UGT3A1: variants seen among roughly 807,000 people sequenced by gnomAD.
The protein encoded by UGT3A1 is UDP glycosyltransferase family 3 member A1.
Under a neutral mutation model 37.6 loss-of-function variants are expected in UGT3A1, and 40 were observed. The ratio of observed to expected loss-of-function variants is 1.06; its 90% confidence interval spans 0.83 to 1.38. The LOEUF is 1.38. UGT3A1 is among the 40% of genes most tolerant of loss of function. The probability of loss-of-function intolerance (pLI) is 0.00; values close to 1 mark genes in which losing one functional copy is unlikely to be tolerated. For missense variants in UGT3A1, 642 were observed against 634.2 expected (o/e 1.01, Z -0.13); for synonymous variants, 256 against 232.3 (o/e 1.10, Z -0.93).
intron 4 of UGT3A1, chr5:35,961,857 C>G (rs1580922900): frequency 6.6e-6 from 1 of 152,286 alleles, no homozygotes; most frequent in Non-Finnish European, 1.5e-5. Flanking sequence ...CGGGGGTATG[C>G]TTTACCAAGG....
At position 35,952,878 on chromosome 5, in the gene UGT3A1, G is replaced by A. The variant is rs187201320; in HGVS notation, c.*1324C>T. On this transcript the variant is annotated 3_prime_UTR_variant, in exon 7 of 7. Coordinates refer to ENST00000274278, the MANE Select transcript of UGT3A1 (RefSeq NM_152404.4). ...ATCCAGCACTCAGCTCTGCAGACTC[G>A]CAAGCAAATCCTTTCATGGAATTGG... 3 of 152,170 alleles carry A rather than the reference G, an allele frequency of 2.0e-5. No homozygotes were observed. The highest frequency in any genetic ancestry group is 1.9e-4 in the East Asian group (1 of 5,192). The allele number at this position is 152,170 out of a possible 1,614,324, so 9.4% of individuals were successfully genotyped here.
At chr5:35,989,213 G>T (rs1411530466) in intron 1 of UGT3A1, among the ~76,000 whole-genome samples, 1 of 152,172 alleles carries the variant, frequency 6.6e-6, no homozygotes, top group Non-Finnish European at 1.5e-5. Flanking sequence ...GAGCCCTTGG[G>T]GTGGGCCTAT....
chr5:35,970,122 G>A (rs1739976573), intron 2 of UGT3A1, among the ~76,000 whole-genome samples: 1 of 152,128 alleles, frequency 6.6e-6, no homozygotes, highest in Admixed American at 6.6e-5. Flanking sequence ...CGGGCACTGT[G>A]GCTCACTCCT....
At chr5:35,985,837 C>G (rs1740707954) in intron 2 of UGT3A1, among the ~76,000 whole-genome samples, 1 of 152,056 alleles carries the variant, frequency 6.6e-6, no homozygotes, top group Non-Finnish European at 1.5e-5. Context: ...TACAGGCAAT[C>G]AAAGCAAAAA....
upstream of UGT3A1, chr5:35,991,480 A>G: frequency 7.4e-7 from 1 of 1,342,288 alleles, no homozygotes; most frequent in Non-Finnish European, 9.6e-7. Flanking sequence ...TGAAGTCAGT[A>G]GGAGGGGGTT....
At chr5:35,966,803 C>T (rs1739825978) in intron 3 of UGT3A1, among the ~76,000 whole-genome samples, 1 of 152,084 alleles carries the variant, frequency 6.6e-6, no homozygotes, top group Admixed American at 6.5e-5. Context: ...ACCCAGACAC[C>T]ATCATATCAT....
At chr5:35,993,206 C>T (rs1741003163), upstream of UGT3A1, among the ~76,000 whole-genome samples, 2 of 152,086 alleles carry the variant, frequency 1.3e-5, no homozygotes, top group Non-Finnish European at 2.9e-5. Context: ...TGGCTCACGC[C>T]TGTAATCCCA....
At chr5:35,954,820 T>C (rs1195525552) in intron 6 of UGT3A1, 1 of 223,816 alleles carries the variant, frequency 4.5e-6, no homozygotes, top group Non-Finnish European at 8.8e-6. Context: ...AATATGTACC[T>C]GATTCAGGGT....
chr5:35,995,822 A>G (rs1741081579), upstream of UGT3A1, among the ~76,000 whole-genome samples: 1 of 152,222 alleles, frequency 6.6e-6, no homozygotes, highest in African/African-American at 2.4e-5. Context: ...TATTTAACAT[A>G]TTTTGATAAA....
chr5:35,983,344 T>C (rs1740604634), intron 2 of UGT3A1, among the ~76,000 whole-genome samples: 1 of 152,088 alleles, frequency 6.6e-6, no homozygotes, highest in Non-Finnish European at 1.5e-5. Context: ...CTACCATGAC[T>C]GAGCAATCAA....
At chr5:35,981,474 C>A (rs1740520814) in intron 2 of UGT3A1, among the ~76,000 whole-genome samples, 2 of 152,156 alleles carry the variant, frequency 1.3e-5, no homozygotes, top group Admixed American at 1.3e-4. Flanking sequence ...TATGCTTTAG[C>A]AGAGAAACTG....
chr5:35,978,412 C>T (rs910029456), intron 2 of UGT3A1, among the ~76,000 whole-genome samples: 1 of 152,136 alleles, frequency 6.6e-6, no homozygotes, highest in Non-Finnish European at 1.5e-5. Context: ...ATCTAATGGA[C>T]TCACAGTTCC....
At chr5:35,973,096 C>T (rs1740116850) in intron 2 of UGT3A1, among the ~76,000 whole-genome samples, 1 of 152,112 alleles carries the variant, frequency 6.6e-6, no homozygotes, top group African/African-American at 2.4e-5. Flanking sequence ...CTATTGAACC[C>T]CTAACTTCTG....
chr5:35,957,522 G>A (rs921331784), intron 4 of UGT3A1, 103 bp from the exon 5 acceptor site: 4 of 913,098 alleles, frequency 4.4e-6, no homozygotes, highest in Non-Finnish European at 6.8e-6. Context: ...TCCCATCAGT[G>A]CCTTGTCTTC....
intron 1 of UGT3A1, among the ~76,000 whole-genome samples, chr5:35,998,138 G>T (rs570357371): frequency 1.3e-5 from 2 of 152,260 alleles, no homozygotes; most frequent in East Asian, 3.9e-4. Context: ...ACAATCAGCT[G>T]TACAACAAAT....
intron 2 of UGT3A1, among the ~76,000 whole-genome samples, chr5:35,983,150 A>G (rs144456112): frequency 1.2e-3 from 189 of 151,262 alleles, no homozygotes; most frequent in African/African-American, 4.5e-3. Context: ...ACAGATTAAT[A>G]CACCAGACTA....
At chr5:35,993,997 G>A (rs1741031447), upstream of UGT3A1, among the ~76,000 whole-genome samples, 1 of 152,078 alleles carries the variant, frequency 6.6e-6, no homozygotes, top group Non-Finnish European at 1.5e-5. Context: ...ATCTGCTTCT[G>A]TATCAGGGAT....
chr5:35,983,407 TAG>T (rs1561470248), intron 2 of UGT3A1, among the ~76,000 whole-genome samples: 1 of 152,120 alleles, frequency 6.6e-6, no homozygotes, highest in African/African-American at 2.4e-5. Flanking sequence ...AAAGCCATAA[TAG>T]AGTCTCTCAT....
At chr5:35,958,610 C>T (rs1739450810) in intron 4 of UGT3A1, among the ~76,000 whole-genome samples, 1 of 152,228 alleles carries the variant, frequency 6.6e-6, no homozygotes, top group African/African-American at 2.4e-5. Context: ...CAACTGGAGA[C>T]TGACTCAAAT....
Sources: allele counts gnomAD v4.1 joint callset (sites outside exome capture counted in the v4.1 genomes callset), GRCh38; gene constraint gnomAD v4.1.1; transcripts MANE v1.5; gene names NCBI Gene and HGNC (gene_info 2026-07-23, HGNC 2026-07-21).